The following PRKACB variants were observed in gnomAD, a reference collection of about 807,000 sequenced individuals.
PRKACB encodes cAMP-dependent protein kinase catalytic subunit beta.
In PRKACB, 16 loss-of-function variants were observed where a neutral mutation model predicts 51.4. The observed-to-expected ratio is 0.31, with a 90% confidence interval of 0.21 to 0.47. The LOEUF (loss-of-function observed/expected upper bound fraction) is 0.47. Among genes scored for constraint, PRKACB ranks in the 20% least tolerant of loss-of-function variants. The pLI is 1.00. For missense variants in PRKACB, 309 were observed against 464.5 expected (o/e 0.67, Z 3.08); for synonymous variants, 147 against 154.4 (o/e 0.95, Z 0.35).
intron 9 of PRKACB, among the ~76,000 whole-genome samples, chr1:84,230,232 C>T (rs1675389227): frequency 6.7e-6 from 1 of 149,846 alleles, no homozygotes; most frequent in Admixed American, 6.6e-5. Flanking sequence ...TGTCAAAGAT[C>T]AGATAGTTGT....
At chr1:84,160,432 C>A (rs1280119298) in intron 1 of PRKACB, among the ~76,000 whole-genome samples, 3 of 150,280 alleles carry the variant, frequency 2.0e-5, no homozygotes, top group Admixed American at 2.0e-4. Flanking sequence ...TTAATATCTT[C>A]TGTTTTCTTT....
At chr1:84,113,824 T>C (rs1312637882) in intron 1 of PRKACB, among the ~76,000 whole-genome samples, 2 of 152,156 alleles carry the variant, frequency 1.3e-5, no homozygotes, top group African/African-American at 2.4e-5. Flanking sequence ...TGATGCTTGC[T>C]CAGGGATAGG....
chr1:84,091,753 C>T (rs551578486), intron 1 of PRKACB, among the ~76,000 whole-genome samples: 1 of 152,306 alleles, frequency 6.6e-6, no homozygotes, highest in East Asian at 1.9e-4. Context: ...GATCCACCCA[C>T]CTCAGCCTTC....
intron 5 of PRKACB, among the ~76,000 whole-genome samples, chr1:84,196,051 T>C (rs1572319377): frequency 6.6e-6 from 1 of 152,348 alleles, no homozygotes; most frequent in South Asian, 2.1e-4. Context: ...TGAATAGGTT[T>C]ATGAGTATTC....
At chr1:84,135,650 T>C (rs2100569527) in intron 1 of PRKACB, among the ~76,000 whole-genome samples, 1 of 152,256 alleles carries the variant, frequency 6.6e-6, no homozygotes, top group Non-Finnish European at 1.5e-5. Context: ...TTAAAGAACA[T>C]ATTTCTAAAT....
chr1:84,130,707 G>T (rs1652101206), intron 1 of PRKACB, among the ~76,000 whole-genome samples: 1 of 152,066 alleles, frequency 6.6e-6, no homozygotes, highest in South Asian at 2.1e-4. Flanking sequence ...AACATCCAAA[G>T]ATATAACCAA....
At chr1:84,198,966 T>C (rs560940466) in intron 7 of PRKACB, among the ~76,000 whole-genome samples, 1 of 147,218 alleles carries the variant, frequency 6.8e-6, no homozygotes, top group African/African-American at 2.5e-5. Flanking sequence ...TTCATATATA[T>C]GTGTATACGC....
At chr1:84,193,342 T>G (rs1397690474) in intron 5 of PRKACB, among the ~76,000 whole-genome samples, 3 of 152,148 alleles carry the variant, frequency 2.0e-5, no homozygotes, top group Non-Finnish European at 4.4e-5. Context: ...CCCTGAAGTA[T>G]GTCAGCTTTA....
At chr1:84,134,786 C>G (rs999459336) in intron 1 of PRKACB, among the ~76,000 whole-genome samples, 1 of 152,078 alleles carries the variant, frequency 6.6e-6, no homozygotes, top group Admixed American at 6.5e-5. Context: ...AAAGACAGTT[C>G]AGAGTGGATA....
chr1:84,114,099 G>A (rs1650442128), intron 1 of PRKACB, among the ~76,000 whole-genome samples: 1 of 152,090 alleles, frequency 6.6e-6, no homozygotes, highest in Non-Finnish European at 1.5e-5. Flanking sequence ...AAGAAATCAG[G>A]CATGTCATGT....
chr1:84,114,536 G>A (rs575177742), intron 1 of PRKACB, among the ~76,000 whole-genome samples: 1 of 152,132 alleles, frequency 6.6e-6, no homozygotes, highest in African/African-American at 2.4e-5. Flanking sequence ...TAGTGATGAA[G>A]TTAGGGTATT....
At chr1:84,111,297 T>C (rs2100844778) in intron 1 of PRKACB, among the ~76,000 whole-genome samples, 1 of 152,234 alleles carries the variant, frequency 6.6e-6, no homozygotes, top group South Asian at 2.1e-4. Context: ...CCCAAAATTT[T>C]TGTATACAGA....
intron 5 of PRKACB, among the ~76,000 whole-genome samples, chr1:84,186,468 C>G (rs1665149674): frequency 6.6e-6 from 1 of 152,066 alleles, no homozygotes; most frequent in Non-Finnish European, 1.5e-5. Flanking sequence ...ATCCACCCTC[C>G]TTGGCCTCCC....
intron 1 of PRKACB, among the ~76,000 whole-genome samples, chr1:84,148,002 A>T (rs924879808): frequency 2.0e-5 from 3 of 152,140 alleles, no homozygotes; most frequent in Admixed American, 6.5e-5. Context: ...AATACAGGAT[A>T]AGTTAACTTA....
At chr1:84,125,715 A>C (rs993527073) in intron 1 of PRKACB, among the ~76,000 whole-genome samples, 1 of 152,230 alleles carries the variant, frequency 6.6e-6, no homozygotes, top group Non-Finnish European at 1.5e-5. Context: ...CCAGAAGTAT[A>C]AACTAGTTGT....
At chr1:84,099,168 A>C (rs979351451) in intron 1 of PRKACB, among the ~76,000 whole-genome samples, 1 of 152,134 alleles carries the variant, frequency 6.6e-6, no homozygotes, top group African/African-American at 2.4e-5. Context: ...CAAATAATCC[A>C]ATTTTATTTG....
chr1:84,144,572 A>C (rs1653776651), intron 1 of PRKACB, 24 bp downstream of exon 1: 2 of 1,537,058 alleles, frequency 1.3e-6, no homozygotes, highest in African/African-American at 2.9e-5. Flanking sequence ...TTTAAATGAT[A>C]CATTATAACT....
At chr1:84,145,701 T>C (rs1341555256) in intron 1 of PRKACB, among the ~76,000 whole-genome samples, 1 of 152,068 alleles carries the variant, frequency 6.6e-6, no homozygotes, top group Non-Finnish European at 1.5e-5. Flanking sequence ...AGTTGATGGA[T>C]GAGGAATATG....
intron 7 of PRKACB, 150 bp from the exon 8 acceptor site, chr1:84,202,533 G>T: frequency 3.2e-6 from 2 of 624,484 alleles, no homozygotes; most frequent in Non-Finnish European, 5.2e-6. Flanking sequence ...GATACATTTG[G>T]TTCATTTTTA....
Sources: allele counts gnomAD v4.1 joint callset (sites outside exome capture counted in the v4.1 genomes callset), GRCh38; gene constraint gnomAD v4.1.1; transcripts MANE v1.5; gene names NCBI Gene and HGNC (gene_info 2026-07-23, HGNC 2026-07-21).